Variants in NUSAP1 observed in about 807,000 individuals in gnomAD.
NUSAP1 encodes the protein nucleolar and spindle associated protein 1.
In NUSAP1, 32 loss-of-function variants were observed where a neutral mutation model predicts 52.8. That is an observed-to-expected ratio of 0.61 (90% CI 0.46 to 0.81). The LOEUF is 0.81. Ranked by LOEUF, NUSAP1 falls within the 40% of genes least tolerant of loss-of-function variation. The pLI is 0.00. For missense variants in NUSAP1, 499 were observed against 522.3 expected (o/e 0.96, Z 0.43); for synonymous variants, 195 against 183.1 (o/e 1.06, Z -0.52).
rs1418112723 is a variant in NUSAP1, at chr15:41,359,631, C to A, written c.660+1373C>A. Among the ~76,000 whole-genome samples, 3 of 149,742 alleles carry A rather than the reference C, an allele frequency of 2.0e-5. No individual in the cohort carries two copies. The Admixed American group carries it at 2.0e-4, about 10-fold the overall frequency. ...CTGTTACAACCATTTTTTTTCTTTT[C>A]TTTTCTTTTTTTTTTTTGAGACAGA... On this transcript the variant is annotated intron_variant, in intron 6 of 10. Transcript: ENST00000559596.
At chr15:41,364,439 G>A (rs1328350846) in intron 6 of NUSAP1, among the ~76,000 whole-genome samples, 1 of 151,850 alleles carries the variant, frequency 6.6e-6, no homozygotes, top group Non-Finnish European at 1.5e-5. Flanking sequence ...CCAGCTATTT[G>A]GGAGGCTAAG....
intron 3 of NUSAP1, among the ~76,000 whole-genome samples, chr15:41,349,810 A>C (rs2048716091): frequency 7.7e-6 from 1 of 129,978 alleles, no homozygotes; most frequent in South Asian, 2.4e-4. Context: ...CTTGTTGCCC[A>C]GTATGGAGTG....
chr15:41,379,303 T>G (rs989609871), intron 10 of NUSAP1, among the ~76,000 whole-genome samples: 1 of 151,760 alleles, frequency 6.6e-6, no homozygotes, highest in Non-Finnish European at 1.5e-5. Context: ...AAATTTTTTT[T>G]TTTTTCTTAG....
At chr15:41,377,631 A>G (rs537231863) in intron 10 of NUSAP1, among the ~76,000 whole-genome samples, 47 of 147,886 alleles carry the variant, frequency 3.2e-4, no homozygotes, top group South Asian at 8.6e-4. Flanking sequence ...CCCAGGAGGC[A>G]GAGCTTGCAG....
At chr15:41,347,519 A>G (rs770058696) in intron 2 of NUSAP1, among the ~76,000 whole-genome samples, 14 of 151,990 alleles carry the variant, frequency 9.2e-5, no homozygotes, top group Non-Finnish European at 1.3e-4. Flanking sequence ...TTTGCTATGA[A>G]ATATGAATAG....
chr15:41,362,711 T>A (rs1335055497), intron 6 of NUSAP1, among the ~76,000 whole-genome samples: 1 of 152,072 alleles, frequency 6.6e-6, no homozygotes, highest in Non-Finnish European at 1.5e-5. Flanking sequence ...ATTACAGGCG[T>A]GAGCCACCGT....
chr15:41,365,672 T>C, intron 7 of NUSAP1, 83 bp downstream of exon 7: 1 of 973,190 alleles, frequency 1.0e-6, no homozygotes, highest in Non-Finnish European at 1.5e-6. Context: ...TGGCAAATAA[T>C]ATTCGTACAT....
Position 41,371,699 on chromosome 15 carries a change from A to C in NUSAP1, c.1006+15A>C, listed in dbSNP as rs751492361. 3.2e-6 allele frequency: 5 copies of C among 1,571,726 alleles called. No homozygotes were observed. The highest frequency in any genetic ancestry group is 2.2e-5 in the East Asian group (1 of 44,512). On this transcript the variant is annotated intron_variant, in intron 8 of 10. Coordinates refer to ENST00000559596, the MANE Select transcript of NUSAP1 (RefSeq NM_016359.5). ...TTCTGCTGCTGGTAAAAAAAAAAAA[A>C]AACAAAAGAAATCTGTTTCATTTTT... is the stretch of plus-strand genomic sequence containing the variant.
At chr15:41,355,205 G>A (rs2048921518) in intron 4 of NUSAP1, among the ~76,000 whole-genome samples, 1 of 150,610 alleles carries the variant, frequency 6.6e-6, no homozygotes, top group East Asian at 2.0e-4. Flanking sequence ...ACAGAGTCTC[G>A]CTTTGTTGCC....
At chr15:41,346,112 T>C (rs1299231749) in intron 2 of NUSAP1, among the ~76,000 whole-genome samples, 1 of 151,816 alleles carries the variant, frequency 6.6e-6, no homozygotes, top group African/African-American at 2.4e-5. Context: ...AGCTAATTTT[T>C]GTGTTTTTAG....
chr15:41,371,777 T>C, intron 8 of NUSAP1, 93 bp downstream of exon 8: 5 of 1,416,710 alleles, frequency 3.5e-6, no homozygotes, highest in Non-Finnish European at 4.7e-6. Context: ...TTTGTTTGTT[T>C]GTTTTTTTCT....
chr15:41,346,193 G>A (rs1317569724), intron 2 of NUSAP1, among the ~76,000 whole-genome samples: 1 of 151,760 alleles, frequency 6.6e-6, no homozygotes, highest in Non-Finnish European at 1.5e-5. Context: ...TGCCCACCTT[G>A]GCCTCCCAAA....
rs886879663 is a variant in NUSAP1 at position 41,356,308 on chromosome 15, C to T, written c.550+168C>T. ...TTACTCATCCTCAATAAACTCACTT[C>T]CTCAGTGCAAAGTGGAAATAGTTAT... On this transcript the variant is annotated intron_variant, in intron 5 of 10. Transcript: ENST00000559596. 9.2e-5 allele frequency among the ~76,000 whole-genome samples: 14 copies of T among 151,874 alleles called. No homozygotes were observed. In the East Asian group the frequency reaches 1.9e-3, roughly 21 times the overall value.
chr15:41,342,382 G>C lies in NUSAP1; in HGVS notation c.94-4G>C, dbSNP rs1471485196. 1 of 1,577,974 alleles carries C rather than the reference G, an allele frequency of 6.3e-7. No individual in the cohort carries two copies. Among genetic ancestry groups the C allele is most frequent in the East Asian group, 2.3e-5 (1 of 44,416 alleles). On this transcript the variant is annotated splice_polypyrimidine_tract_variant and splice_region_variant and intron_variant, in intron 1 of 10. Coordinates refer to ENST00000559596, the MANE Select transcript of NUSAP1 (RefSeq NM_016359.5). The stretch of plus-strand genomic sequence containing the variant: ...TGGCTCTAATAATAAGGTCTCTCTT[G>C]CAGGCAACCAAGTTGTTAAAAGCCT...
At chr15:41,374,716 G>A (rs540359332) in intron 8 of NUSAP1, among the ~76,000 whole-genome samples, 5 of 151,950 alleles carry the variant, frequency 3.3e-5, no homozygotes, top group Admixed American at 6.6e-5. Context: ...TAGTAGACAC[G>A]GAGTTTCACT....
At chr15:41,336,606 A>G (rs1385788754) in intron 1 of NUSAP1, among the ~76,000 whole-genome samples, 3 of 150,708 alleles carry the variant, frequency 2.0e-5, no homozygotes, top group Non-Finnish European at 4.4e-5. Context: ...TTAAATATGC[A>G]ACGCTAAACC....
chr15:41,377,840 A>G (rs915810735), intron 10 of NUSAP1, among the ~76,000 whole-genome samples: 7 of 150,256 alleles, frequency 4.7e-5, no homozygotes, highest in African/African-American at 1.7e-4. Context: ...TCTCTACTAA[A>G]AATACAAAAA....
intron 4 of NUSAP1, among the ~76,000 whole-genome samples, chr15:41,351,484 G>C (rs1052606569): frequency 6.6e-6 from 1 of 152,166 alleles, no homozygotes; most frequent in African/African-American, 2.4e-5. Context: ...AGTCATATTG[G>C]ATTAGGATCC....
intron 10 of NUSAP1, among the ~76,000 whole-genome samples, chr15:41,377,770 C>CG (rs1289469021): frequency 1.3e-5 from 2 of 149,344 alleles, no homozygotes; most frequent in African/African-American, 4.9e-5. Flanking sequence ...TTTGGGAGGC[C>CG]GAGGGGGGCA....
Sources: gnomAD v4.1 joint callset for allele counts (sites outside exome capture counted in the v4.1 genomes callset) on GRCh38, gnomAD v4.1.1 for gene constraint, MANE v1.5 for transcripts, NCBI Gene and HGNC (gene_info 2026-07-23, HGNC 2026-07-21) for gene names.